RPS6KC1: variants seen among roughly 807,000 people sequenced by gnomAD.
The protein encoded by RPS6KC1 is inactive ribosomal protein S6 kinase delta-1.
A neutral mutation model predicts 103.8 loss-of-function variants in RPS6KC1; 54 were observed. The observed-to-expected ratio is 0.52, with a 90% CI of 0.42 to 0.65. The LOEUF (loss-of-function observed/expected upper bound fraction) is 0.65, where lower values mean the gene tolerates loss of function less well. Among genes scored for constraint, RPS6KC1 ranks in the 30% least tolerant of loss-of-function variants. The pLI, the probability that RPS6KC1 is intolerant of heterozygous loss-of-function variation, is 0.00. For missense variants in RPS6KC1, 1,151 were observed against 1,253.8 expected, an observed-to-expected ratio of 0.92 and a Z score of 1.24; for synonymous variants, 439 against 438.7, an observed-to-expected ratio of 1.00 and a Z score of -0.01.
At chr1:213,108,899 C>T (rs563441436) in intron 4 of RPS6KC1, among the ~76,000 whole-genome samples, 1 of 151,850 alleles carries the variant, frequency 6.6e-6, no homozygotes, top group South Asian at 2.1e-4. Flanking sequence ...ATTCTCTTGC[C>T]TCAGCCTCCC....
the RPS6KC1 span, among the ~76,000 whole-genome samples, chr1:213,600,270 G>A: frequency 1.3e-5 from 2 of 152,174 alleles, no homozygotes; most frequent in East Asian, 1.9e-4. Flanking sequence ...GAAAACGGAC[G>A]AATACAGATT....
At chr1:213,674,577 C>G in the RPS6KC1 span, among the ~76,000 whole-genome samples, 1 of 152,212 alleles carries the variant, frequency 6.6e-6, no homozygotes, top group Non-Finnish European at 1.5e-5. Context: ...CATGACTTCG[C>G]TATTGTAAAT....
chr1:213,658,591 T>C, the RPS6KC1 span, among the ~76,000 whole-genome samples: 7 of 152,202 alleles, frequency 4.6e-5, no homozygotes, highest in Admixed American at 4.6e-4. Context: ...TCATGGGCAA[T>C]AGATTTGAGA....
chr1:213,610,484 C>T, the RPS6KC1 span, among the ~76,000 whole-genome samples: 1 of 152,156 alleles, frequency 6.6e-6, no homozygotes, highest in Admixed American at 6.5e-5. Context: ...TGGCGGAAAC[C>T]TCGACCATCA....
Position 213,079,088 on chromosome 1 carries a change from A to G in RPS6KC1, c.262+1272A>G, listed in dbSNP as rs183118193. Among the ~76,000 whole-genome samples, 444 of 152,230 alleles carry G rather than the reference A, an allele frequency of 2.9e-3. 3 individuals are homozygous for G. Among genetic ancestry groups the G allele is most frequent in the African/African-American group, 0.01 (431 of 41,554 alleles). ...TATATATATTTTTTCTTTATTTTTT[A>G]TATGACAGTATATTATGATTGTCTT... is the stretch of plus-strand genomic sequence containing the variant. On this transcript the variant is annotated intron_variant, in intron 3 of 14. Transcript: ENST00000366960.
chr1:213,699,297 AGT>A, the RPS6KC1 span, among the ~76,000 whole-genome samples: 4 of 152,146 alleles, frequency 2.6e-5, no homozygotes, highest in African/African-American at 9.7e-5. Flanking sequence ...CACACAAATA[AGT>A]GAGAACATGT....
chr1:213,175,350 C>T (rs932867838), intron 7 of RPS6KC1, among the ~76,000 whole-genome samples: 6 of 152,154 alleles, frequency 3.9e-5, no homozygotes, highest in East Asian at 3.8e-4. Flanking sequence ...TCAATAATTC[C>T]CTTACCATGG....
At chr1:213,234,980 ATGCAG>A (rs1343891116) in intron 10 of RPS6KC1, among the ~76,000 whole-genome samples, 2 of 152,208 alleles carry the variant, frequency 1.3e-5, no homozygotes, top group Admixed American at 6.5e-5. Context: ...GGCTTGAGCA[ATGCAG>A]TGAACTGGAT....
intron 5 of RPS6KC1, among the ~76,000 whole-genome samples, chr1:213,121,955 A>G (rs970981072): frequency 6.6e-6 from 1 of 151,900 alleles, no homozygotes; most frequent in African/African-American, 2.4e-5. Context: ...TGAATTAAGA[A>G]CTCCTCAAGT....
intron 5 of RPS6KC1, chr1:213,125,954 A>G (rs2084944276): frequency 6.6e-6 from 1 of 152,058 alleles, no homozygotes; most frequent in South Asian, 2.1e-4. Flanking sequence ...TGTTAAAAGG[A>G]AAAATGGGGC....
chr1:213,545,070 A>G, the RPS6KC1 span, among the ~76,000 whole-genome samples: 1 of 152,078 alleles, frequency 6.6e-6, no homozygotes, highest in Non-Finnish European at 1.5e-5. Flanking sequence ...GGGCTATAAG[A>G]GAGAATCTGT....
At chr1:213,593,263 T>G in the RPS6KC1 span, among the ~76,000 whole-genome samples, 2 of 151,906 alleles carry the variant, frequency 1.3e-5, no homozygotes, top group Non-Finnish European at 2.9e-5. Flanking sequence ...AACAGTAGGT[T>G]TTTAGGATTT....
At chr1:213,506,225 T>G in the RPS6KC1 span, among the ~76,000 whole-genome samples, 6 of 152,300 alleles carry the variant, frequency 3.9e-5, no homozygotes, top group African/African-American at 1.4e-4. Context: ...TTGTACCTGG[T>G]TTTGAATTGG....
At chr1:213,767,742 G>A in the RPS6KC1 span, among the ~76,000 whole-genome samples, 1 of 152,306 alleles carries the variant, frequency 6.6e-6, no homozygotes, top group Admixed American at 6.5e-5. Flanking sequence ...CCCTCTTCAT[G>A]GAAGAGAAAC....
the RPS6KC1 span, among the ~76,000 whole-genome samples, chr1:213,712,924 G>A: frequency 1.3e-5 from 2 of 152,160 alleles, no homozygotes; most frequent in African/African-American, 4.8e-5. Context: ...CATTGGTCTC[G>A]CTGGGAGCTG....
At chr1:213,446,048 C>T in the RPS6KC1 span, among the ~76,000 whole-genome samples, 1 of 152,316 alleles carries the variant, frequency 6.6e-6, no homozygotes, top group Non-Finnish European at 1.5e-5. Flanking sequence ...ATCTCCCAGA[C>T]CATGCTGCCT....
At chr1:213,546,143 A>G in the RPS6KC1 span, 1 of 152,204 alleles carries the variant, frequency 6.6e-6, no homozygotes, top group Non-Finnish European at 1.5e-5. Flanking sequence ...TAGAAAATAT[A>G]CTGTTCTTTG....
At chr1:213,261,958 A>C (rs1234095128) in intron 13 of RPS6KC1, among the ~76,000 whole-genome samples, 1 of 152,182 alleles carries the variant, frequency 6.6e-6, no homozygotes, top group Admixed American at 6.5e-5. Context: ...TTATGTAAGG[A>C]TGTATTAAAA....
chr1:213,823,193 C>T, the RPS6KC1 span, among the ~76,000 whole-genome samples: 1 of 152,308 alleles, frequency 6.6e-6, no homozygotes, highest in South Asian at 2.1e-4. Context: ...CTTTCATAGA[C>T]CATCCCATTA....
Sources: allele counts gnomAD v4.1 joint callset (sites outside exome capture counted in the v4.1 genomes callset), GRCh38; gene constraint gnomAD v4.1.1; transcripts MANE v1.5; gene names NCBI Gene and HGNC (gene_info 2026-07-23, HGNC 2026-07-21).